VEPH1: variants seen among roughly 807,000 people sequenced by gnomAD.
VEPH1 encodes the protein ventricular zone-expressed PH domain-containing protein homolog 1.
VEPH1 carries 80 observed loss-of-function variants against 85.2 expected under a neutral mutation model. The observed-to-expected ratio is 0.94, with a 90% CI of 0.78 to 1.13. VEPH1 has a LOEUF of 1.13. VEPH1 is among the 50% of genes most tolerant of loss of function. VEPH1 has a pLI of 0.00. For synonymous variants in VEPH1, 297 were observed against 348.0 expected (o/e 0.85, Z 1.63); for missense variants, 955 against 980.5 (o/e 0.97, Z 0.35).
At chr3:157,331,101 T>C (rs1722450985) in intron 9 of VEPH1, among the ~76,000 whole-genome samples, 1 of 152,198 alleles carries the variant, frequency 6.6e-6, no homozygotes, top group Non-Finnish European at 1.5e-5. Context: ...ACTGCATCTG[T>C]CCTGGAGCTC....
At chr3:157,417,600 C>A (rs1732020723) in intron 5 of VEPH1, among the ~76,000 whole-genome samples, 1 of 152,136 alleles carries the variant, frequency 6.6e-6, no homozygotes, top group Non-Finnish European at 1.5e-5. Context: ...TTTGATGGGC[C>A]TATCTGCAGA....
chr3:157,317,243 C>T lies in VEPH1; in HGVS notation c.1736-42G>A. The T allele has an allele frequency of 2.6e-6, 4 of 1,529,584 alleles. No homozygotes were observed. In the South Asian group the frequency reaches 4.0e-5, roughly 15 times the overall value. The allele number at this position is 1,529,584 out of a possible 1,614,324, so 94.8% of individuals were successfully genotyped here. A position where few individuals can be genotyped will look rare whatever the true frequency, so the allele number is the denominator to read the frequency against. On this transcript the variant is annotated intron_variant, in intron 9 of 13. Transcript: ENST00000362010. ...ATAGCGTTAAACGTTATGGTCTTTCCAGAGTTACACTTTATATTGATACTT... is the reference window on the plus strand; with the variant it reads ...ATAGCGTTAAACGTTATGGTCTTTCTAGAGTTACACTTTATATTGATACTT...
intron 9 of VEPH1, among the ~76,000 whole-genome samples, chr3:157,331,397 C>T (rs946798142): frequency 6.6e-6 from 1 of 152,200 alleles, no homozygotes; most frequent in Non-Finnish European, 1.5e-5. Flanking sequence ...ACACTTCTTA[C>T]CCCCATTGCG....
intron 4 of VEPH1, chr3:157,442,546 T>C: frequency 6.2e-7 from 1 of 1,614,184 alleles, no homozygotes; most frequent in Non-Finnish European, 8.5e-7. Flanking sequence ...GAAATCCAGC[T>C]GTATCTCAGC....
chr3:157,447,842 A>T (rs571424204), intron 4 of VEPH1, among the ~76,000 whole-genome samples: 2 of 152,178 alleles, frequency 1.3e-5, no homozygotes, highest in Non-Finnish European at 2.9e-5. Context: ...TGATCTGCCC[A>T]TCTCAGCCTC....
intron 11 of VEPH1, among the ~76,000 whole-genome samples, chr3:157,305,357 G>A (rs1224074983): frequency 6.6e-6 from 1 of 151,836 alleles, no homozygotes; most frequent in Non-Finnish European, 1.5e-5. Context: ...TGATCCGCCC[G>A]CCTCGGCCTC....
intron 6 of VEPH1, among the ~76,000 whole-genome samples, chr3:157,388,504 G>A (rs1042147531): frequency 2.6e-5 from 4 of 152,118 alleles, no homozygotes; most frequent in Non-Finnish European, 5.9e-5. Context: ...GGCAAATCAG[G>A]ACAGTTGACC....
At chr3:157,281,614 T>G (rs758131815) in intron 12 of VEPH1, among the ~76,000 whole-genome samples, 6 of 152,008 alleles carry the variant, frequency 3.9e-5, no homozygotes, top group Admixed American at 2.6e-4. Context: ...CTTGGCTCAC[T>G]GCAACCTCCA....
intron 12 of VEPH1, among the ~76,000 whole-genome samples, chr3:157,279,838 A>T (rs1399218984): frequency 6.6e-6 from 1 of 152,102 alleles, no homozygotes; most frequent in Non-Finnish European, 1.5e-5. Context: ...CAACATGGTG[A>T]AACCCTGTAT....
intron 9 of VEPH1, among the ~76,000 whole-genome samples, chr3:157,333,983 A>G (rs1296497341): frequency 6.6e-6 from 1 of 152,136 alleles, no homozygotes. Context: ...TCAGAAGAAC[A>G]CTCATGGGAG....
chr3:157,437,861 G>C (rs772552612), intron 4 of VEPH1: 9 of 1,499,984 alleles, frequency 6.0e-6, no homozygotes, highest in African/African-American at 1.5e-5. Flanking sequence ...CGGCAGACGC[G>C]AGCCGACCTG....
At chr3:157,475,838 A>G (rs1266956883) in intron 2 of VEPH1, among the ~76,000 whole-genome samples, 1 of 152,188 alleles carries the variant, frequency 6.6e-6, no homozygotes, top group East Asian at 1.9e-4. Flanking sequence ...TCAGCCATGC[A>G]CCTGATCGTT....
intron 10 of VEPH1, among the ~76,000 whole-genome samples, chr3:157,316,371 A>G (rs1047370774): frequency 6.6e-6 from 1 of 151,780 alleles, no homozygotes; most frequent in Non-Finnish European, 1.5e-5. Context: ...ATTTTTCAAC[A>G]TATGTGTGAC....
chr3:157,282,492 G>A (rs143528863), intron 12 of VEPH1, among the ~76,000 whole-genome samples: 2 of 152,210 alleles, frequency 1.3e-5, no homozygotes, highest in African/African-American at 4.8e-5. Context: ...TTCTACTGAT[G>A]ATCACATTCA....
intron 11 of VEPH1, among the ~76,000 whole-genome samples, chr3:157,304,019 T>TATATATATATATATATATATATATATATA (rs71872669): frequency 1.7e-4 from 9 of 52,298 alleles, no homozygotes; most frequent in South Asian, 6.4e-4. Flanking sequence ...TCATCTTATA[T>TATATATATATATATATATATATATATATA]TTTTTATATA....
intron 7 of VEPH1, among the ~76,000 whole-genome samples, chr3:157,373,307 G>A (rs1034046404): frequency 2.6e-5 from 4 of 152,134 alleles, no homozygotes; most frequent in African/African-American, 4.8e-5. Context: ...GATATAGCAC[G>A]GTAACCAAGA....
At chr3:157,423,097 T>A (rs929658356) in intron 5 of VEPH1, among the ~76,000 whole-genome samples, 3 of 152,230 alleles carry the variant, frequency 2.0e-5, no homozygotes, top group Admixed American at 6.5e-5. Flanking sequence ...TGTCTCTTGT[T>A]AATTTGTTCA....
intron 2 of VEPH1, among the ~76,000 whole-genome samples, chr3:157,480,096 C>CTG (rs369435016): frequency 0.013 from 1,778 of 134,740 alleles, 34 homozygotes; most frequent in African/African-American, 0.043. Context: ...CTCTCTCTCT[C>CTG]TCTTTCTTTC....
At chr3:157,282,442 G>T (rs1246114408) in intron 12 of VEPH1, among the ~76,000 whole-genome samples, 2 of 152,146 alleles carry the variant, frequency 1.3e-5, no homozygotes, top group Non-Finnish European at 2.9e-5. Context: ...AAAGTTGTTT[G>T]AAAAAATTGT....
Sources: allele counts gnomAD v4.1 joint callset (sites outside exome capture counted in the v4.1 genomes callset), GRCh38; gene constraint gnomAD v4.1.1; transcripts MANE v1.5; gene names NCBI Gene and HGNC (gene_info 2026-07-23, HGNC 2026-07-21).